TMEM127: variants seen among roughly 807,000 people sequenced by gnomAD.
The protein encoded by TMEM127 is transmembrane protein 127.
Under a neutral mutation model 20.1 loss-of-function variants are expected in TMEM127, and 21 were observed. The ratio of observed to expected loss-of-function variants is 1.04; its 90% confidence interval spans 0.74 to 1.50. The LOEUF is 1.50. Among genes scored for constraint, TMEM127 ranks in the 40% most tolerant of loss-of-function variants. The probability of loss-of-function intolerance (pLI) is 0.00; values close to 1 mark genes in which losing one functional copy is unlikely to be tolerated. For synonymous variants in TMEM127, 150 were observed against 144.7 expected (o/e 1.04, Z -0.26); for missense variants, 303 against 317.4 (o/e 0.95, Z 0.34).
In TMEM127 at chr2:96,250,228, T is replaced by G. The variant is rs1684059084; in HGVS notation, c.*3580A>C. 1 of 233,154 alleles carries G rather than the reference T, an allele frequency of 4.3e-6. No individual in the cohort carries two copies. The highest frequency in any genetic ancestry group is 5.6e-5 in the Admixed American group (1 of 17,778). 14.4% of individuals were successfully genotyped at this position (233,154 alleles called of 1,614,324 possible). On this transcript the variant is annotated 3_prime_UTR_variant, in exon 4 of 4. Coordinates refer to ENST00000258439, the MANE Select transcript of TMEM127 (RefSeq NM_017849.4). The stretch of plus-strand genomic sequence containing the variant: ...GTGCCTTAAATGAGCACCCCTCACC[T>G]TTCTAACCTCGGCTCTTACCACCTC...
Position 96,251,471 on chromosome 2 carries a change from G to A in TMEM127, c.*2337C>T, listed in dbSNP as rs1277105131. The A allele has an allele frequency of 4.6e-6, 1 of 215,770 alleles. No homozygotes were observed. The highest frequency in any genetic ancestry group is 6.9e-5 in the East Asian group (1 of 14,546). 13.4% of individuals were successfully genotyped at this position (215,770 alleles called of 1,614,324 possible). ...GGAGGCAGAGGTTGCAGTGAGCTGAGATCATGCCACGTTACACTCCAGCCC... is the reference window on the plus strand; with the variant it reads ...GGAGGCAGAGGTTGCAGTGAGCTGAAATCATGCCACGTTACACTCCAGCCC... On this transcript the variant is annotated 3_prime_UTR_variant, in exon 4 of 4. Transcript: ENST00000258439.
chr2:96,265,292 G>T lies in TMEM127; in HGVS notation c.90C>A (p.Ser30Arg). 1 of 1,553,748 alleles carries T rather than the reference G, an allele frequency of 6.4e-7. No individual in the cohort carries two copies. The highest frequency in any genetic ancestry group is 8.7e-7 in the Non-Finnish European group (1 of 1,156,060). ...GGGCGCCAGGCAGGGCCGAGGCCAG[G>T]CTACGCTCCGGCTGCTTGGGCAGAG... Reference protein sequence around the residue: ...GSALPKQPERSLASALPGALS... With the variant: ...GSALPKQPERRLASALPGALS... Residue 30 changes from serine (S) to arginine (R), a missense_variant, in exon 2 of 4, where the codon AGC becomes AGA. Ser to Arg is a moderately radical substitution (Grantham distance 110, BLOSUM62 -1). Transcript: ENST00000258439.
chr2:96,259,227 C>G lies in TMEM127; in HGVS notation c.245-4230G>C, dbSNP rs114298467. On this transcript the variant is annotated intron_variant, in intron 2 of 3. Transcript: ENST00000258439. ...TGCACACAGATGGGTGAAGTGCCCC[C>G]CTGGGGGATTTACCACACAGCTCAG... Among the ~76,000 whole-genome samples the G allele has an allele frequency of 4.2e-3, 647 of 152,336 alleles. 5 individuals are homozygous for G. The highest frequency in any genetic ancestry group is 0.015 in the African/African-American group (615 of 41,578).
At chr2:96,259,948 G>A (rs899659659) in intron 2 of TMEM127, among the ~76,000 whole-genome samples, 3 of 152,152 alleles carry the variant, frequency 2.0e-5, no homozygotes, top group Non-Finnish European at 4.4e-5. Context: ...ACGTCAGCCC[G>A]TGTGGACCAA....
intron 2 of TMEM127, among the ~76,000 whole-genome samples, chr2:96,263,157 C>T (rs555046296): frequency 6.6e-6 from 1 of 151,054 alleles, no homozygotes; most frequent in South Asian, 2.1e-4. Flanking sequence ...TGGGTTCAAG[C>T]GATTCGCCTG....
rs949044458 is a variant in TMEM127, at chr2:96,252,907, G to A, written c.*901C>T. ...GGCTGCATTCTACTGGGAGAGACTC[G>A]GGGAGGGACTACCATGGGCTTGGAA... On this transcript the variant is annotated 3_prime_UTR_variant, in exon 4 of 4. Coordinates refer to ENST00000258439, the MANE Select transcript of TMEM127 (RefSeq NM_017849.4). This position sits in a 1 kb window ranked among gnomAD's most constrained non-coding sequence, Gnocchi z 4.2. 3.9e-5 allele frequency: 9 copies of A among 233,358 alleles called. No homozygotes were observed. The highest frequency in any genetic ancestry group is 5.6e-5 in the Admixed American group (1 of 17,776). 14.5% of individuals were successfully genotyped at this position (233,358 alleles called of 1,614,324 possible).
At chr2:96,261,250 G>A (rs953780728) in intron 2 of TMEM127, among the ~76,000 whole-genome samples, 2 of 152,110 alleles carry the variant, frequency 1.3e-5, no homozygotes, top group Non-Finnish European at 2.9e-5. Flanking sequence ...GCTTGCAGGG[G>A]CAGTGGAGAA....
At position 96,249,120 on chromosome 2, in the gene TMEM127, GAGATGGAGTCTCAC is replaced by G. The variant is rs1684036068; in HGVS notation, c.*4674_*4687del. The G allele has an allele frequency of 1.8e-5, 4 of 227,286 alleles. No individual in the cohort carries two copies. The highest frequency in any genetic ancestry group is 2.6e-5 in the Non-Finnish European group (3 of 114,760). 14.1% of individuals were successfully genotyped at this position (227,286 alleles called of 1,614,324 possible). On this transcript the variant is annotated 3_prime_UTR_variant, in exon 4 of 4. Coordinates refer to ENST00000258439, the MANE Select transcript of TMEM127 (RefSeq NM_017849.4). ...TGTGTGTGTGTGTGTGTGTGTGTTT[GAGATGGAGTCTCAC>G]TCTGTCAGGCTGGAGTCCAGTGGCA...
intron 2 of TMEM127, among the ~76,000 whole-genome samples, chr2:96,263,592 G>A (rs1337594820): frequency 6.6e-6 from 1 of 152,152 alleles, no homozygotes; most frequent in Non-Finnish European, 1.5e-5. Flanking sequence ...AAATAATTAT[G>A]AGATTGCTCC....
chr2:96,249,700 T>C lies in TMEM127; in HGVS notation c.*4108A>G, dbSNP rs1684048216. 4.3e-6 allele frequency: 1 copy of C among 233,080 alleles called. No individual in the cohort carries two copies. The highest frequency in any genetic ancestry group is 1.8e-4 in the South Asian group (1 of 5,538). 14.4% of individuals were successfully genotyped at this position (233,080 alleles called of 1,614,324 possible). On this transcript the variant is annotated 3_prime_UTR_variant, in exon 4 of 4. Transcript: ENST00000258439. ...AGGAAGAGGTAAGATTGCAGGCTAT[T>C]TGAAAACAGGGGCATGAAGTTTGTC...
chr2:96,264,075 C>G (rs1684364567), intron 2 of TMEM127, among the ~76,000 whole-genome samples: 2 of 152,160 alleles, frequency 1.3e-5, no homozygotes, highest in Non-Finnish European at 2.9e-5. Context: ...TTCTAAAACT[C>G]AAGAGAGATG....
Position 96,254,065 on chromosome 2 carries a change from T to A in TMEM127, c.460A>T (p.Ile154Phe). Residue 154 changes from isoleucine to phenylalanine, a missense_variant, in exon 4 of 4, where the codon ATC becomes TTC. Coordinates refer to ENST00000258439, the MANE Select transcript of TMEM127 (RefSeq NM_017849.4). ...TTATGCTGCTGCTGCTGGGCCAAGA[T>A]GAGTTCAGAAGCCCAATAAGAAAAG... Reference protein sequence around the residue: ...IGFSYWASELILAQQQQHKKY... With the variant: ...IGFSYWASELFLAQQQQHKKY... The A allele has an allele frequency of 6.2e-7, 1 of 1,614,036 alleles. No individual in the cohort carries two copies. The highest frequency in any genetic ancestry group is 8.5e-7 in the Non-Finnish European group (1 of 1,180,000).
At chr2:96,258,727 G>C (rs986497555) in intron 2 of TMEM127, among the ~76,000 whole-genome samples, 5 of 152,052 alleles carry the variant, frequency 3.3e-5, no homozygotes, top group Non-Finnish European at 7.4e-5. Flanking sequence ...TAGGAGACAG[G>C]GGCTATCTCC....
intron 2 of TMEM127, among the ~76,000 whole-genome samples, chr2:96,261,327 G>A (rs1368237698): frequency 6.6e-6 from 1 of 151,676 alleles, no homozygotes; most frequent in Non-Finnish European, 1.5e-5. Context: ...CCAGGCTGGA[G>A]TGCAGAGGCA....
intron 2 of TMEM127, among the ~76,000 whole-genome samples, chr2:96,264,099 G>C (rs1684364836): frequency 6.6e-6 from 1 of 152,192 alleles, no homozygotes; most frequent in Non-Finnish European, 1.5e-5. Flanking sequence ...AACAGTAAGA[G>C]AACACTCAGA....
At position 96,251,778 on chromosome 2, in the gene TMEM127, G is replaced by A. The variant is rs1417168856; in HGVS notation, c.*2030C>T. 1.7e-5 allele frequency: 4 copies of A among 232,970 alleles called. No homozygotes were observed. Among genetic ancestry groups the A allele is most frequent in the South Asian group, 1.8e-4 (1 of 5,532 alleles). The allele number at this position is 232,970 out of a possible 1,614,324, so 14.4% of individuals were successfully genotyped here. A position where few individuals can be genotyped will look rare whatever the true frequency, so the allele number is the denominator to read the frequency against. ...GGATGGCAGAGGGAAAGAGAAAGAAGAGGAAGGCCAAAGACATGGGGAGTG... is the reference window on the plus strand; with the variant it reads ...GGATGGCAGAGGGAAAGAGAAAGAAAAGGAAGGCCAAAGACATGGGGAGTG... On this transcript the variant is annotated 3_prime_UTR_variant, in exon 4 of 4. Coordinates refer to ENST00000258439, the MANE Select transcript of TMEM127 (RefSeq NM_017849.4).
chr2:96,253,093 G>A lies in TMEM127; in HGVS notation c.*715C>T, dbSNP rs1558751296. 1 of 233,328 alleles carries A rather than the reference G, an allele frequency of 4.3e-6. No individual in the cohort carries two copies. The highest frequency in any genetic ancestry group is 2.2e-5 in the African/African-American group (1 of 45,338). The allele number at this position is 233,328 out of a possible 1,614,324, so 14.5% of individuals were successfully genotyped here. ...CTCATATTTAAAAGGTGAAGGGCTG[G>A]GAGATGTAGTCCCCTTCACTCTGGT... is the stretch of plus-strand genomic sequence containing the variant. On this transcript the variant is annotated 3_prime_UTR_variant, in exon 4 of 4. Transcript: ENST00000258439. This position sits in a 1 kb window ranked among gnomAD's most constrained non-coding sequence, Gnocchi z 4.3.
At chr2:96,255,040 T>C in intron 2 of TMEM127, 43 bp from the exon 3 acceptor site, 2 of 1,612,816 alleles carry the variant, frequency 1.2e-6, no homozygotes, top group Non-Finnish European at 1.7e-6. Context: ...AAGTAACACT[T>C]GGTGCAGGAA....
At position 96,256,400 on chromosome 2, in the gene TMEM127, T is replaced by C. The variant is rs916094904; in HGVS notation, c.245-1403A>G. ...AAGCCTGACCAACATGGGGAAACCC[T>C]GTCTCTACTAAAAATACAAAATTAG... On this transcript the variant is annotated intron_variant, in intron 2 of 3. Coordinates refer to ENST00000258439, the MANE Select transcript of TMEM127 (RefSeq NM_017849.4). Among the ~76,000 whole-genome samples, 5 of 151,634 alleles carry C rather than the reference T, an allele frequency of 3.3e-5. No individual in the cohort carries two copies. In the South Asian group the frequency reaches 8.3e-4, roughly 25 times the overall value.
Sources: allele counts gnomAD v4.1 joint callset (sites outside exome capture counted in the v4.1 genomes callset), GRCh38; gene constraint gnomAD v4.1.1; non-coding constraint Gnocchi (gnomAD v3.1); transcripts MANE v1.5; gene names NCBI Gene and HGNC (gene_info 2026-07-23, HGNC 2026-07-21).